Variants in DNAH5 observed in about 807,000 individuals in gnomAD.
DNAH5 encodes the protein axonemal beta dynein heavy chain 5.
In DNAH5, 372 loss-of-function variants were observed where a neutral mutation model predicts 518.2. The observed-to-expected ratio is 0.72, with a 90% CI of 0.66 to 0.78. The LOEUF is 0.78. Ranked by LOEUF, DNAH5 falls within the 30% of genes least tolerant of loss-of-function variation. DNAH5 has a pLI of 0.00. For missense variants in DNAH5, 5,523 were observed against 5,687.0 expected, an observed-to-expected ratio of 0.97 and a Z score of 0.93; for synonymous variants, 2,039 against 2,025.9, an observed-to-expected ratio of 1.01 and a Z score of -0.17.
Position 13,716,620 on chromosome 5 carries a change from T to C in DNAH5, c.12776A>G (p.Tyr4259Cys), listed in dbSNP as rs745724578. ...IQYGGRVTDD[Y>C]DKRLLNTFAK... ...AAATGTGTTCAACAATCTCTTATCA[T>C]AGTCGTCAGTGACTCTGCCTCCATA... The change falls in exon 74 of 79, where the codon TAT becomes TGT. Residue 4259 changes from tyrosine to cysteine, a missense_variant. Tyr to Cys is a radical substitution (Grantham distance 194). Transcript: ENST00000265104. The C allele has an allele frequency of 3.7e-6, 6 of 1,613,874 alleles. No homozygotes were observed. The highest frequency in any genetic ancestry group is 1.3e-5 in the African/African-American group (1 of 75,056).
intron 27 of DNAH5, among the ~76,000 whole-genome samples, chr5:13,865,268 C>T (rs1362159394): frequency 6.6e-6 from 1 of 152,158 alleles, no homozygotes; most frequent in Non-Finnish European, 1.5e-5. Context: ...GCTGGGATTA[C>T]AGGCATGAGC....
chr5:13,729,585 C>G, intron 68 of DNAH5, 25 bp from the exon 69 acceptor site: 1 of 1,591,312 alleles, frequency 6.3e-7, no homozygotes, highest in East Asian at 2.3e-5. Flanking sequence ...ATTAAATTAT[C>G]AGATTTCCCT....
At position 13,867,910 on chromosome 5, in the gene DNAH5, C is replaced by G; in HGVS notation, c.3917G>C (p.Trp1306Ser). The change falls in exon 25 of 79, where the codon TGG becomes TCG. Residue 1306 changes from tryptophan (W) to serine (S), a missense_variant. By Grantham distance (177) the Trp-to-Ser change is radical (BLOSUM62 -3). Around this residue, in one of 3 missense-constraint regions of DNAH5, gnomAD observed 5,121 missense variants for 5,223.3 expected, o/e 0.98. Coordinates refer to ENST00000265104, the MANE Select transcript of DNAH5 (RefSeq NM_001369.3). The stretch of plus-strand genomic sequence containing the variant: ...GCCAGCACGTGCCAGCAGCTTCTCC[C>G]AAGCATAGTGCAGTGTATCAACTTT... ...IDKVDTLHYA[W>S]EKLLARAGEV... is the part of the protein sequence containing the mutation. 4 of 1,614,052 alleles carry G rather than the reference C, an allele frequency of 2.5e-6. No individual in the cohort carries two copies. Among genetic ancestry groups the G allele is most frequent in the Non-Finnish European group, 3.4e-6 (4 of 1,179,966 alleles).
intron 62 of DNAH5, 126 bp from the exon 63 acceptor site, chr5:13,753,675 G>T: frequency 1.1e-6 from 1 of 882,284 alleles, no homozygotes. Context: ...AATCAAACTG[G>T]AGGCACAAGT....
At chr5:13,887,061 A>T (rs1349195830) in intron 17 of DNAH5, among the ~76,000 whole-genome samples, 3 of 152,224 alleles carry the variant, frequency 2.0e-5, no homozygotes, top group Non-Finnish European at 2.9e-5. Context: ...CAATTCTCTG[A>T]GAGAACACTA....
chr5:13,996,143 C>T (rs1783925624), intron 1 of DNAH5, among the ~76,000 whole-genome samples: 2 of 151,502 alleles, frequency 1.3e-5, no homozygotes, highest in South Asian at 4.2e-4. Context: ...CATACAATGG[C>T]TTTCTGGCTT....
At chr5:13,912,695 A>C (rs982259656) in intron 11 of DNAH5, among the ~76,000 whole-genome samples, 5 of 151,720 alleles carry the variant, frequency 3.3e-5, no homozygotes, top group African/African-American at 1.2e-4. Flanking sequence ...TAAATTGTCT[A>C]AAACAAGTAT....
chr5:13,876,146 G>A (rs1770860497), intron 22 of DNAH5, among the ~76,000 whole-genome samples: 1 of 152,172 alleles, frequency 6.6e-6, no homozygotes. Context: ...AGGGGAGTAT[G>A]CTGAAAGAAA....
intron 7 of DNAH5, among the ~76,000 whole-genome samples, chr5:13,918,904 GAT>G (rs975966823): frequency 6.6e-6 from 1 of 152,040 alleles, no homozygotes; most frequent in East Asian, 1.9e-4. Flanking sequence ...ATAAAACATA[GAT>G]ATATATATAA....
Position 14,000,028 on chromosome 5 carries a change from A to ACG in DNAH5, c.12+11618_12+11619dup, listed in dbSNP as rs1173413382. On this transcript the variant is annotated intron_variant, in intron 1 of 78. Coordinates refer to the DNAH5 transcript ENST00000681290. ...TAGGTTCATGCATCATAATACTGTT[A>ACG]CGGGTTGAACTGTGTCCCATCACAA... Among the ~76,000 whole-genome samples the ACG allele has an allele frequency of 2.6e-4, 40 of 152,258 alleles. 1 individual carries two copies. The highest frequency in any genetic ancestry group is 2.6e-3 in the Admixed American group (40 of 15,284).
At chr5:13,849,774 T>C (rs1766565445) in intron 31 of DNAH5, among the ~76,000 whole-genome samples, 3 of 152,200 alleles carry the variant, frequency 2.0e-5, no homozygotes, top group Admixed American at 1.3e-4. Context: ...AGTACCCTCT[T>C]ACAGGTCTTT....
chr5:13,770,619 C>A, intron 56 of DNAH5, 130 bp downstream of exon 56: 1 of 805,796 alleles, frequency 1.2e-6, no homozygotes, highest in Non-Finnish European at 2.1e-6. Flanking sequence ...AGTACCCCTT[C>A]CCTGCCCTGC....
intron 1 of DNAH5, among the ~76,000 whole-genome samples, chr5:13,992,781 C>A (rs916222764): frequency 6.6e-6 from 1 of 152,072 alleles, no homozygotes; most frequent in Non-Finnish European, 1.5e-5. Flanking sequence ...ATTTTTAAAT[C>A]TTTATAATAA....
chr5:13,782,098 G>A (rs1755248212), intron 52 of DNAH5, among the ~76,000 whole-genome samples: 1 of 152,076 alleles, frequency 6.6e-6, no homozygotes, highest in Non-Finnish European at 1.5e-5. Context: ...TGCAAGAACT[G>A]TTTCTCTTTC....
At chr5:13,833,409 A>C (rs57362365) in intron 35 of DNAH5, among the ~76,000 whole-genome samples, 21,281 of 147,994 alleles carry the variant, frequency 0.14, 1,616 homozygotes, top group Admixed American at 0.18. Context: ...ACTGCACTCC[A>C]GCCTGGGCAA....
At chr5:13,906,123 T>C (rs1041612753) in intron 12 of DNAH5, among the ~76,000 whole-genome samples, 2 of 152,152 alleles carry the variant, frequency 1.3e-5, no homozygotes, top group Admixed American at 1.3e-4. Context: ...GATGAATAGG[T>C]GGAGCACAGG....
chr5:13,817,091 G>C (rs1485311913), intron 42 of DNAH5, among the ~76,000 whole-genome samples: 1 of 152,192 alleles, frequency 6.6e-6, no homozygotes, highest in East Asian at 1.9e-4. Flanking sequence ...TAATTTATTA[G>C]TTCAATGTAG....
chr5:13,794,565 T>C (rs563316935), intron 47 of DNAH5, among the ~76,000 whole-genome samples: 6 of 152,286 alleles, frequency 3.9e-5, no homozygotes, highest in Middle Eastern at 6.8e-3. Context: ...CGGATTCAAT[T>C]CTCATTCCCT....
At chr5:13,933,080 G>A (rs139797367) in intron 1 of DNAH5, among the ~76,000 whole-genome samples, 6 of 152,252 alleles carry the variant, frequency 3.9e-5, no homozygotes, top group Admixed American at 1.3e-4. Flanking sequence ...AATAAAAAAC[G>A]TCTCCAGACA....
Sources: allele counts gnomAD v4.1 joint callset (sites outside exome capture counted in the v4.1 genomes callset), GRCh38; gene constraint gnomAD v4.1.1; regional missense constraint gnomAD v4.1.1; transcripts MANE v1.5; gene names NCBI Gene and HGNC (gene_info 2026-07-23, HGNC 2026-07-21).